The following PTDSS2 variants were observed in gnomAD, a reference collection of about 807,000 sequenced individuals.
The protein encoded by PTDSS2 is phosphatidylserine synthase 2.
Under a neutral mutation model 64.7 loss-of-function variants are expected in PTDSS2, and 41 were observed. The ratio of observed to expected loss-of-function variants is 0.63; its 90% CI spans 0.49 to 0.82. The LOEUF is 0.82. PTDSS2 is among the 40% of genes least tolerant of loss of function. The probability of loss-of-function intolerance (pLI) is 0.00; values close to 1 mark genes in which losing one functional copy is unlikely to be tolerated. For synonymous variants in PTDSS2, 297 were observed against 277.8 expected, an observed-to-expected ratio of 1.07 and a Z score of -0.69; for missense variants, 485 against 650.0, an observed-to-expected ratio of 0.75 and a Z score of 2.76.
intron 1 of PTDSS2, among the ~76,000 whole-genome samples, chr11:452,241 C>G (rs1031501822): frequency 6.6e-6 from 1 of 152,226 alleles, no homozygotes; most frequent in Non-Finnish European, 1.5e-5. Flanking sequence ...TTGTGGGGAC[C>G]CCTACTGCCT....
rs1250702601 is a variant in PTDSS2, at chr11:460,280, C to T, written c.276C>T (p.Asn92=). The T allele has an allele frequency of 1.2e-5, 19 of 1,613,518 alleles. No homozygotes were observed. The highest frequency in any genetic ancestry group is 1.5e-5 in the Non-Finnish European group (18 of 1,179,528). Residue 92 remains asparagine, a synonymous_variant, in exon 2 of 12, where the codon AAC becomes AAT. Transcript: ENST00000308020. The surrounding 1 kb of genome is among the most constrained non-coding windows in gnomAD (Gnocchi z 5.8). ...LEETPQDTAY[N]TKRGIVASIL... is the part of the protein sequence containing the mutation. ...AAACACCTCAGGACACGGCCTACAA[C>T]ACCAAGAGGTAAGCTGCCCTCTTGT... is the stretch of plus-strand genomic sequence containing the variant.
chr11:489,556 C>T, intron 9 of PTDSS2, 32 bp from the exon 10 acceptor site: 1 of 1,608,438 alleles, frequency 6.2e-7, no homozygotes, highest in Non-Finnish European at 8.5e-7. Flanking sequence ...GGGCGGGGGG[C>T]CAGAGCTGGT....
At position 462,462 on chromosome 11, in the gene PTDSS2, A is replaced by G. The variant is rs1846935476; in HGVS notation, c.284+2174A>G. Among the ~76,000 whole-genome samples the G allele has an allele frequency of 6.6e-6, 1 of 152,106 alleles. No individual in the cohort carries two copies. The highest frequency in any genetic ancestry group is 2.4e-5 in the African/African-American group (1 of 41,410). On this transcript the variant is annotated intron_variant, in intron 2 of 11. Coordinates refer to ENST00000308020, the MANE Select transcript of PTDSS2 (RefSeq NM_030783.3). This position sits in a 1 kb window ranked among gnomAD's most constrained non-coding sequence, Gnocchi z 4.5. ...TCTGGGGACACTAAACGCGCTCCCA[A>G]CTCACATTCTCTTTCCCCCTCACCC...
In PTDSS2 at chr11:479,160, G is replaced by T. The variant is rs2301168; in HGVS notation, c.435+8G>T. The T allele has an allele frequency of 1.3e-4, 208 of 1,611,964 alleles. No homozygotes were observed. The East Asian group carries it at 4.1e-3, about 32-fold the overall frequency. On this transcript the variant is annotated splice_region_variant and intron_variant, in intron 4 of 11. Transcript: ENST00000308020. This position sits in a 1 kb window ranked among gnomAD's most constrained non-coding sequence, Gnocchi z 4.2. ...ATCTTTATACTCTTCCAGGTAAGCTGTTTTTCTGGGTTGGATACCTGGGAA... is the reference window on the plus strand; with the variant it reads ...ATCTTTATACTCTTCCAGGTAAGCTTTTTTTCTGGGTTGGATACCTGGGAA...
At chr11:451,492 A>T (rs1170545330) in intron 1 of PTDSS2, 1 of 392,322 alleles carries the variant, frequency 2.5e-6, no homozygotes, top group East Asian at 8.3e-5. Flanking sequence ...CTTGACTGCA[A>T]GGTGCCCAGT....
rs536075457 is a variant in PTDSS2, at chr11:477,060, C to T, written c.368-2025C>T. 2.4e-4 allele frequency among the ~76,000 whole-genome samples: 37 copies of T among 152,322 alleles called. 1 individual carries two copies. The South Asian group carries it at 6.8e-3, about 28-fold the overall frequency. ...AGGGCTTTCTCCAGAAAGGTGGTCC[C>T]TGTGGGCTCTGCCCACCTTCACACT... is the stretch of plus-strand genomic sequence containing the variant. On this transcript the variant is annotated intron_variant, in intron 3 of 11. Transcript: ENST00000308020.
chr11:468,970 G>A (rs1847271655), intron 2 of PTDSS2, among the ~76,000 whole-genome samples: 1 of 145,618 alleles, frequency 6.9e-6, no homozygotes, highest in Non-Finnish European at 1.5e-5. Context: ...ATCGGAGGGA[G>A]GAGGAGGGGA....
chr11:485,701 T>TGC (rs1848331074), intron 4 of PTDSS2, among the ~76,000 whole-genome samples: 1 of 117,500 alleles, frequency 8.5e-6, no homozygotes, highest in Non-Finnish European at 1.8e-5. Flanking sequence ...GTGTGCTCAC[T>TGC]GCGCAGGCGA....
At position 470,107 on chromosome 11, in the gene PTDSS2, C is replaced by T. The variant is rs1303068873; in HGVS notation, c.285-3788C>T. Among the ~76,000 whole-genome samples, 8 of 152,166 alleles carry T rather than the reference C, an allele frequency of 5.3e-5. No homozygotes were observed. Among genetic ancestry groups the T allele is most frequent in the Non-Finnish European group, 7.4e-5 (5 of 68,024 alleles). ...AGGAGCTGGCGTGAGCTCCCGGCAC[C>T]GCTGTGCGCTGCGCGTGGTGACCTG... is the stretch of plus-strand genomic sequence containing the variant. On this transcript the variant is annotated intron_variant, in intron 2 of 11. Coordinates refer to ENST00000308020, the MANE Select transcript of PTDSS2 (RefSeq NM_030783.3). The surrounding 1 kb of genome is among the most constrained non-coding windows in gnomAD (Gnocchi z 5.3).
At chr11:488,951 G>A (rs1278030434) in intron 8 of PTDSS2, among the ~76,000 whole-genome samples, 1 of 152,228 alleles carries the variant, frequency 6.6e-6, no homozygotes, top group Non-Finnish European at 1.5e-5. Context: ...TTATGAAATA[G>A]TTGCAGGTAC....
At chr11:473,841 C>G (rs1272395113) in intron 2 of PTDSS2, 54 bp from the exon 3 acceptor site, 7 of 1,384,530 alleles carry the variant, frequency 5.1e-6, no homozygotes, top group Non-Finnish European at 7.2e-6. Flanking sequence ...CCTCCCACCT[C>G]CCTCCTGGGA....
chr11:477,538 G>A (rs913694366), intron 3 of PTDSS2, among the ~76,000 whole-genome samples: 1 of 152,180 alleles, frequency 6.6e-6, no homozygotes, highest in Non-Finnish European at 1.5e-5. Context: ...GCGTGAGTGG[G>A]GAGAGGAGTC....
At chr11:468,735 G>A (rs538125125) in intron 2 of PTDSS2, among the ~76,000 whole-genome samples, 10 of 152,222 alleles carry the variant, frequency 6.6e-5, no homozygotes, top group African/African-American at 2.4e-4. Context: ...CAGAGAAGGA[G>A]GGGAGTCTCT....
At chr11:485,840 G>A (rs1207218690) in intron 4 of PTDSS2, among the ~76,000 whole-genome samples, 15 of 16,734 alleles carry the variant, frequency 9.0e-4, no homozygotes, top group Non-Finnish European at 1.4e-3. Context: ...CACCGTGCGC[G>A]CAGGCGAGCG....
intron 3 of PTDSS2, among the ~76,000 whole-genome samples, chr11:478,309 A>C (rs559007145): frequency 6.6e-6 from 1 of 152,110 alleles, no homozygotes; most frequent in South Asian, 2.1e-4. Context: ...AAATACAAAA[A>C]TTAGCTGGAT....
chr11:484,764 C>A (rs1848227731), intron 4 of PTDSS2, among the ~76,000 whole-genome samples: 1 of 131,756 alleles, frequency 7.6e-6, no homozygotes, highest in African/African-American at 3.0e-5. Context: ...AGTGTAAGTG[C>A]ACGGGTGTGT....
chr11:466,625 T>G (rs1847154609), intron 2 of PTDSS2, among the ~76,000 whole-genome samples: 1 of 152,004 alleles, frequency 6.6e-6, no homozygotes, highest in Admixed American at 6.6e-5. Context: ...GCCAGGTTGG[T>G]CTGAAACTCC....
rs529803735 is a variant in PTDSS2 at position 482,283 on chromosome 11, C to T, written c.435+3131C>T. 5.6e-5 allele frequency among the ~76,000 whole-genome samples: 8 copies of T among 143,656 alleles called. 1 individual carries two copies. Among genetic ancestry groups the T allele is most frequent in the African/African-American group, 2.1e-4 (8 of 37,824 alleles). 94.2% of individuals were successfully genotyped at this position (143,656 alleles called of 152,430 possible). The stretch of plus-strand genomic sequence containing the variant: ...TGTCGCCCAGGCTGGAGTGCAGTGG[C>T]ACGATCTTGGCTTACTGCAAGCTCC... On this transcript the variant is annotated intron_variant, in intron 4 of 11. Coordinates refer to ENST00000308020, the MANE Select transcript of PTDSS2 (RefSeq NM_030783.3).
intron 4 of PTDSS2, among the ~76,000 whole-genome samples, chr11:482,996 G>T (rs1310970973): frequency 7.7e-6 from 1 of 130,672 alleles, no homozygotes; most frequent in African/African-American, 2.9e-5. Context: ...GTTTTTCGTA[G>T]ATCTCCCTAC....
Sources: gnomAD v4.1 joint callset for allele counts (sites outside exome capture counted in the v4.1 genomes callset) on GRCh38, gnomAD v4.1.1 for gene constraint, Gnocchi (gnomAD v3.1) non-coding constraint, MANE v1.5 for transcripts, NCBI Gene and HGNC (gene_info 2026-07-23, HGNC 2026-07-21) for gene names.